Variants in CACNA1A observed in about 807,000 individuals in gnomAD.
CACNA1A encodes calcium voltage-gated channel subunit alpha1 A.
CACNA1A carries 57 observed loss-of-function variants against 262.4 expected under a neutral mutation model. The ratio of observed to expected loss-of-function variants is 0.22; its 90% CI spans 0.18 to 0.27. The LOEUF (loss-of-function observed/expected upper bound fraction) is 0.27. Among genes scored for constraint, CACNA1A ranks in the 10% least tolerant of loss-of-function variants. The probability of loss-of-function intolerance (pLI) is 1.00; values close to 1 mark genes in which losing one functional copy is unlikely to be tolerated. For missense variants in CACNA1A, 2,526 were observed against 3,562.8 expected, an observed-to-expected ratio of 0.71 and a Z score of 7.41; for synonymous variants, 1,431 against 1,419.3, an observed-to-expected ratio of 1.01 and a Z score of -0.18.
intron 1 of CACNA1A, among the ~76,000 whole-genome samples, chr19:13,501,266 C>A (rs1478362620): frequency 6.6e-6 from 1 of 151,774 alleles, no homozygotes; most frequent in Non-Finnish European, 1.5e-5. Flanking sequence ...CAACCTCTGC[C>A]TCCCAGGTTC....
intron 3 of CACNA1A, among the ~76,000 whole-genome samples, chr19:13,446,747 G>C (rs1268637324): frequency 6.7e-6 from 1 of 149,116 alleles, no homozygotes; most frequent in Non-Finnish European, 1.5e-5. Flanking sequence ...ATGAGCCACA[G>C]AGCCCAGCTG....
At chr19:13,424,195 A>AAAAC (rs145193904) in intron 3 of CACNA1A, among the ~76,000 whole-genome samples, 3 of 152,250 alleles carry the variant, frequency 2.0e-5, no homozygotes, top group East Asian at 3.9e-4. Flanking sequence ...CTAAAAATAC[A>AAAAC]AAACAAACAA....
chr19:13,275,837 C>A lies in CACNA1A; in HGVS notation c.3989+13G>T, dbSNP rs373480312. The A allele has an allele frequency of 1.6e-3, 2,528 of 1,571,860 alleles. 64 individuals carry two copies. The South Asian group carries it at 0.027, about 17-fold the overall frequency. ...GGAAAAGAGGCAAGAGGAACCCTTG[C>A]GAGGAGACTTACGTGAAGGCAAAGG... On this transcript the variant is annotated intron_variant, in intron 24 of 46. Transcript: ENST00000360228.
chr19:13,320,237 CGAGAGAGAGAGAGAGA>C (rs146095824), intron 10 of CACNA1A, among the ~76,000 whole-genome samples: 8 of 127,150 alleles, frequency 6.3e-5, no homozygotes, highest in African/African-American at 1.7e-4. Context: ...TTCCACAGAT[CGAGAGAGAGAGAGAGA>C]GAGAGAGAGA....
Position 13,335,889 on chromosome 19 carries a change from G to A in CACNA1A, c.999C>T (p.Asn333=). Residue 333 remains asparagine, a synonymous_variant, in exon 7 of 47, where the codon AAC becomes AAT. Coordinates refer to ENST00000360228, the MANE Select transcript of CACNA1A (RefSeq NM_001127222.2). ...GGATGAAGTACAACCAGTTCCAAGT[G>A]TTCCCTGAGGCATCGTTGCTCTGTA... ...LLYNSNDASG[N]TWNWLYFIPL... is the part of the protein sequence containing the mutation. 28 of 1,606,016 alleles carry A rather than the reference G, an allele frequency of 1.7e-5. No individual in the cohort carries two copies. The highest frequency in any genetic ancestry group is 2.4e-5 in the Non-Finnish European group (28 of 1,175,894).
chr19:13,422,202 G>A (rs2060326653), intron 3 of CACNA1A, among the ~76,000 whole-genome samples: 1 of 151,954 alleles, frequency 6.6e-6, no homozygotes. Flanking sequence ...GCACCTGTGG[G>A]CTCAGCTACT....
At chr19:13,410,979 T>C (rs564371013) in intron 3 of CACNA1A, among the ~76,000 whole-genome samples, 2 of 152,298 alleles carry the variant, frequency 1.3e-5, no homozygotes, top group East Asian at 3.9e-4. Flanking sequence ...CCTGCATCTA[T>C]GCCCTTATTC....
At chr19:13,406,152 T>TA (rs1438516903) in intron 3 of CACNA1A, among the ~76,000 whole-genome samples, 1 of 150,852 alleles carries the variant, frequency 6.6e-6, no homozygotes, top group African/African-American at 2.4e-5. Flanking sequence ...CACATCTCTA[T>TA]AAAAAAAGGT....
At chr19:13,280,873 G>A (rs1457148349) in intron 22 of CACNA1A, among the ~76,000 whole-genome samples, 2 of 150,374 alleles carry the variant, frequency 1.3e-5, no homozygotes, top group Non-Finnish European at 3.0e-5. Flanking sequence ...CCCGGGAGGC[G>A]GAGGTTGCAG....
intron 1 of CACNA1A, among the ~76,000 whole-genome samples, chr19:13,495,931 A>G (rs1022594005): frequency 6.6e-6 from 1 of 151,898 alleles, no homozygotes; most frequent in Admixed American, 6.6e-5. Context: ...CCACCCACCC[A>G]TCGAGTCATC....
At chr19:13,307,896 G>C (rs993785893) in intron 14 of CACNA1A, 42 bp from the exon 15 acceptor site, 1 of 1,558,892 alleles carries the variant, frequency 6.4e-7, no homozygotes, top group Non-Finnish European at 8.8e-7. Context: ...CCCCACCCGG[G>C]GTGCTCTGAG....
rs1219551823 is a variant in CACNA1A, at chr19:13,308,701, G to A, written c.1669-173C>T. Reference sequence around the variant, plus strand: ...ATCCATTCATTTATCTATAGAGACCGGGTCTCACTGTGTCACCCAGGCTGG... The same window carrying A: ...ATCCATTCATTTATCTATAGAGACCAGGTCTCACTGTGTCACCCAGGCTGG... On this transcript the variant is annotated intron_variant, in intron 12 of 46. Coordinates refer to ENST00000360228, the MANE Select transcript of CACNA1A (RefSeq NM_001127222.2). The surrounding 1 kb of genome is among the most constrained non-coding windows in gnomAD (Gnocchi z 4.2). 3.5e-5 allele frequency: 19 copies of A among 536,720 alleles called. No homozygotes were observed. The highest frequency in any genetic ancestry group is 6.1e-5 in the East Asian group (2 of 32,932). 33.2% of individuals were successfully genotyped at this position (536,720 alleles called of 1,614,324 possible).
At chr19:13,440,146 T>C (rs1020245607) in intron 3 of CACNA1A, among the ~76,000 whole-genome samples, 3 of 152,062 alleles carry the variant, frequency 2.0e-5, no homozygotes, top group Non-Finnish European at 2.9e-5. Flanking sequence ...TTTTAAGAGA[T>C]AGGGGTCTCA....
intron 46 of CACNA1A, among the ~76,000 whole-genome samples, chr19:13,208,465 G>A (rs1252415116): frequency 1.4e-5 from 2 of 143,854 alleles, no homozygotes; most frequent in African/African-American, 5.1e-5. Context: ...CGGGCGGCAC[G>A]GCCCAGAACT....
At chr19:13,374,456 C>T (rs1337523087) in intron 3 of CACNA1A, among the ~76,000 whole-genome samples, 2 of 152,074 alleles carry the variant, frequency 1.3e-5, no homozygotes, top group Non-Finnish European at 2.9e-5. Context: ...TGCTATATTG[C>T]CCAGGCTGGT....
At chr19:13,388,109 G>A (rs2059646350) in intron 3 of CACNA1A, among the ~76,000 whole-genome samples, 2 of 151,878 alleles carry the variant, frequency 1.3e-5, no homozygotes, top group African/African-American at 4.8e-5. Context: ...TTCTAAGATG[G>A]GTACCAAGGA....
At chr19:13,310,520 A>AGAGAGG (rs1411730447) in intron 12 of CACNA1A, among the ~76,000 whole-genome samples, 1 of 116,694 alleles carries the variant, frequency 8.6e-6, no homozygotes, top group Non-Finnish European at 1.7e-5. Context: ...ATATGTAGAG[A>AGAGAGG]GAGAGAGAGA....
chr19:13,479,110 G>T (rs1331923430), intron 1 of CACNA1A, among the ~76,000 whole-genome samples: 1 of 152,204 alleles, frequency 6.6e-6, no homozygotes, highest in Non-Finnish European at 1.5e-5. Context: ...GGAGGTGGAG[G>T]TTGCAGTGAG....
chr19:13,459,016 C>T (rs1317753421), intron 1 of CACNA1A, among the ~76,000 whole-genome samples: 2 of 152,228 alleles, frequency 1.3e-5, no homozygotes, highest in South Asian at 2.1e-4. Context: ...CAACAGTATC[C>T]CTGGCCTGTG....
Sources: gnomAD v4.1 joint callset for allele counts (sites outside exome capture counted in the v4.1 genomes callset) on GRCh38, gnomAD v4.1.1 for gene constraint, Gnocchi (gnomAD v3.1) non-coding constraint, MANE v1.5 for transcripts, NCBI Gene and HGNC (gene_info 2026-07-23, HGNC 2026-07-21) for gene names.